Variants in FRMPD1 observed in about 807,000 individuals in gnomAD.
The protein encoded by FRMPD1 is FERM and PDZ domain containing 1, also known as FERM and PDZ domain-containing protein 1.
A neutral mutation model predicts 117.8 loss-of-function variants in FRMPD1; 76 were observed. That is an observed-to-expected ratio of 0.65 (90% CI 0.54 to 0.78). FRMPD1 has a LOEUF of 0.78. FRMPD1 is among the 30% of genes least tolerant of loss of function. FRMPD1 has a pLI of 0.00. For missense variants in FRMPD1, 1,786 were observed against 1,964.5 expected (o/e 0.91, Z 1.72); for synonymous variants, 783 against 770.4 (o/e 1.02, Z -0.27).
intron 1 of FRMPD1, among the ~76,000 whole-genome samples, chr9:37,672,630 T>C (rs1821392503): frequency 6.6e-6 from 1 of 152,088 alleles, no homozygotes. Context: ...ATCTAGCAAG[T>C]GGCATGGCTG....
In FRMPD1 at chr9:37,667,062, C is replaced by CT. The variant is rs573955616; in HGVS notation, c.-5+15984dup. On this transcript the variant is annotated intron_variant, in intron 1 of 15. Coordinates refer to ENST00000377765, the MANE Select transcript of FRMPD1 (RefSeq NM_014907.3). ...GGAAAAGAGAGACAATTGAAGCATG[C>CT]TTTTTTTTTTTTTTTTCCTGAGACA... Among the ~76,000 whole-genome samples, 1,042 of 111,022 alleles carry CT rather than the reference C, an allele frequency of 9.4e-3. 69 individuals carry two copies. Among genetic ancestry groups the CT allele is most frequent in the African/African-American group, 0.034 (852 of 25,316 alleles). 72.8% of individuals were successfully genotyped at this position (111,022 alleles called of 152,430 possible).
chr9:37,651,354 G>T (rs1193045621), intron 1 of FRMPD1, among the ~76,000 whole-genome samples: 1 of 152,224 alleles, frequency 6.6e-6, no homozygotes, highest in African/African-American at 2.4e-5. Context: ...GTAGTGAGTG[G>T]AAACAGCGGC....
intron 2 of FRMPD1, among the ~76,000 whole-genome samples, chr9:37,694,200 A>G (rs1289153142): frequency 6.6e-6 from 1 of 152,216 alleles, no homozygotes; most frequent in Non-Finnish European, 1.5e-5. Context: ...ATGCTGCTCC[A>G]TTAAAAGAGA....
chr9:37,687,508 G>T (rs1821991676), intron 1 of FRMPD1, among the ~76,000 whole-genome samples: 1 of 152,142 alleles, frequency 6.6e-6, no homozygotes, highest in African/African-American at 2.4e-5. Context: ...TCCTAGAGGG[G>T]GCCCAACTGG....
rs1823468868 is a variant in FRMPD1, at chr9:37,723,090, A to AG, written c.517-1134dup. ...GATAATTGGGGTGAATGTAGTGGAG[A>AG]GCATCCCTCTGCCCTTTGGTGATAT... On this transcript the variant is annotated intron_variant, in intron 6 of 15. Coordinates refer to ENST00000377765, the MANE Select transcript of FRMPD1 (RefSeq NM_014907.3). 2.0e-5 allele frequency among the ~76,000 whole-genome samples: 3 copies of AG among 152,014 alleles called. No homozygotes were observed. The South Asian group carries it at 6.2e-4, about 31-fold the overall frequency.
rs141573129 is a variant in FRMPD1, at chr9:37,735,633, A to T, written c.1300A>T (p.Ile434Phe). The T allele has an allele frequency of 1.9e-6, 3 of 1,613,646 alleles. No individual in the cohort carries two copies. The Admixed American group carries it at 5.0e-5, about 27-fold the overall frequency. The change falls in exon 13 of 16, where the codon ATC becomes TTC. Residue 434 changes from isoleucine (I) to phenylalanine (F), a missense_variant. Transcript: ENST00000377765. ...ISQVINSKLN[I>F]MSTLAEFANI... Reference sequence around the variant, plus strand: ...CCAGGTTATCAATAGCAAACTCAACATCATGTCCACATTGGCAGAGTTTGC... The same window carrying T: ...CCAGGTTATCAATAGCAAACTCAACTTCATGTCCACATTGGCAGAGTTTGC...
the FRMPD1 span, among the ~76,000 whole-genome samples, chr9:37,633,223 A>C: frequency 6.6e-6 from 1 of 151,908 alleles, no homozygotes; most frequent in African/African-American, 2.4e-5. Context: ...TATTTTTAGT[A>C]GAGACAGTGG....
intron 1 of FRMPD1, among the ~76,000 whole-genome samples, chr9:37,668,835 A>G (rs571356656): frequency 1.3e-5 from 2 of 152,290 alleles, no homozygotes; most frequent in South Asian, 2.1e-4. Context: ...ACTGGTAATT[A>G]TTTCTCACAT....
At chr9:37,724,470 C>T in intron 7 of FRMPD1, 150 bp downstream of exon 7, 1 of 558,172 alleles carries the variant, frequency 1.8e-6, no homozygotes, top group Non-Finnish European at 3.3e-6. Flanking sequence ...CATGTTATCT[C>T]ATTTCGTTGC....
chr9:37,637,969 TTTCTTTCTTTCTTTCTTTC>T, the FRMPD1 span, among the ~76,000 whole-genome samples: 3 of 70,800 alleles, frequency 4.2e-5, no homozygotes, highest in African/African-American at 1.7e-4. Flanking sequence ...GTATGCTTTC[TTTCTTTCTTTCTTTCTTTC>T]TTTCTTTCTT....
intron 15 of FRMPD1, among the ~76,000 whole-genome samples, chr9:37,742,065 A>G (rs772047445): frequency 1.9e-4 from 29 of 152,360 alleles, no homozygotes; most frequent in Non-Finnish European, 2.8e-4. Flanking sequence ...CACTAGACCG[A>G]GAACTCCTTT....
At chr9:37,614,589 G>C in the FRMPD1 span, among the ~76,000 whole-genome samples, 1 of 152,202 alleles carries the variant, frequency 6.6e-6, no homozygotes, top group Non-Finnish European at 1.5e-5. Flanking sequence ...GAAGTTACAG[G>C]GTCCAGGTTC....
At chr9:37,654,353 G>A (rs146184892) in intron 1 of FRMPD1, among the ~76,000 whole-genome samples, 1 of 152,330 alleles carries the variant, frequency 6.6e-6, no homozygotes, top group East Asian at 1.9e-4. Context: ...AGCCAGTCTT[G>A]CCTGGAGCTG....
At chr9:37,708,820 C>G (rs1237737607) in intron 4 of FRMPD1, among the ~76,000 whole-genome samples, 1 of 152,210 alleles carries the variant, frequency 6.6e-6, no homozygotes, top group African/African-American at 2.4e-5. Flanking sequence ...CAGGCCCTAC[C>G]CTCTAAGGAT....
intron 14 of FRMPD1, 85 bp downstream of exon 14, chr9:37,737,328 T>C: frequency 7.9e-6 from 10 of 1,271,476 alleles, no homozygotes; most frequent in Non-Finnish European, 1.0e-5. Flanking sequence ...AGGTGGTGAA[T>C]TGAATTGAGC....
At chr9:37,719,503 C>T (rs1478347446) in intron 6 of FRMPD1, among the ~76,000 whole-genome samples, 1 of 152,210 alleles carries the variant, frequency 6.6e-6, no homozygotes, top group African/African-American at 2.4e-5. Flanking sequence ...TTATTATCCT[C>T]TCTGAGGGTG....
At chr9:37,739,911 T>C in intron 14 of FRMPD1, among the ~76,000 whole-genome samples, 167 bp from the exon 15 acceptor site, 1 of 152,184 alleles carries the variant, frequency 6.6e-6, no homozygotes, top group Non-Finnish European at 1.5e-5. Context: ...ACATGGAAGC[T>C]GGAGTCCCTC....
chr9:37,620,246 G>T, the FRMPD1 span, among the ~76,000 whole-genome samples: 1 of 152,154 alleles, frequency 6.6e-6, no homozygotes, highest in African/African-American at 2.4e-5. Flanking sequence ...CTGCCTCCAG[G>T]TCACAGCATC....
the FRMPD1 span, among the ~76,000 whole-genome samples, chr9:37,609,784 A>G: frequency 6.6e-6 from 1 of 152,098 alleles, no homozygotes; most frequent in Admixed American, 6.5e-5. Flanking sequence ...GTCTTCTCTC[A>G]CTGGCTGTCC....
Sources: allele counts gnomAD v4.1 joint callset (sites outside exome capture counted in the v4.1 genomes callset), GRCh38; gene constraint gnomAD v4.1.1; transcripts MANE v1.5; gene names NCBI Gene and HGNC (gene_info 2026-07-23, HGNC 2026-07-21).